SLC9C1: variants seen among roughly 807,000 people sequenced by gnomAD.
The protein encoded by SLC9C1 is solute carrier family 9 member C1, also known as sodium/hydrogen exchanger 10.
A neutral mutation model predicts 140.9 loss-of-function variants in SLC9C1; 97 were observed. That is an observed-to-expected ratio of 0.69 (90% CI 0.58 to 0.82). The LOEUF is 0.82. Among genes scored for constraint, SLC9C1 ranks in the 40% least tolerant of loss-of-function variants. The pLI is 0.00. For synonymous variants in SLC9C1, 440 were observed against 442.6 expected (o/e 0.99, Z 0.07); for missense variants, 1,340 against 1,389.3 (o/e 0.96, Z 0.56).
At position 112,193,413 on chromosome 3, in the gene SLC9C1, C is replaced by T. The variant is rs1048694889; in HGVS notation, c.2523+5908G>A. On this transcript the variant is annotated intron_variant, in intron 20 of 28. Transcript: ENST00000305815. Reference sequence around the variant, plus strand: ...TTAGCTACATTGGGGGCATATCTTTCAGCAGAGGCTTGTGGGGCTGTTTCT... The same window carrying T: ...TTAGCTACATTGGGGGCATATCTTTTAGCAGAGGCTTGTGGGGCTGTTTCT... 6.6e-5 allele frequency among the ~76,000 whole-genome samples: 10 copies of T among 152,178 alleles called. No individual in the cohort carries two copies. The East Asian group carries it at 1.9e-3, about 29-fold the overall frequency.
At chr3:112,181,445 T>TA (rs372182124) in intron 21 of SLC9C1, among the ~76,000 whole-genome samples, 1 of 152,162 alleles carries the variant, frequency 6.6e-6, no homozygotes, top group African/African-American at 2.4e-5. Context: ...AATAGATATT[T>TA]AAAAAAAGAA....
chr3:112,179,540 A>C lies in SLC9C1; in HGVS notation c.2910T>G (p.Thr970=). The C allele has an allele frequency of 6.2e-7, 1 of 1,602,174 alleles. No homozygotes were observed. The highest frequency in any genetic ancestry group is 8.5e-7 in the Non-Finnish European group (1 of 1,176,466). Residue 970 remains threonine, a synonymous_variant, in exon 23 of 29, where the codon ACT becomes ACG. Coordinates refer to ENST00000305815, the MANE Select transcript of SLC9C1 (RefSeq NM_183061.3). ...EPMKYSATCK[T]VVETCFIPKT... ...GCGAAGTTTTTCTGACCTCCACTAC[A>C]GTTTTGCAGGTGGCAGAATATTTCA...
At chr3:112,185,625 C>T in intron 20 of SLC9C1, 1 of 1,581,892 alleles carries the variant, frequency 6.3e-7, no homozygotes. Context: ...AAGGGGCAGG[C>T]TCCTGACCCG....
At chr3:112,162,695 G>A (rs2075342198) in intron 26 of SLC9C1, among the ~76,000 whole-genome samples, 1 of 151,656 alleles carries the variant, frequency 6.6e-6, no homozygotes, top group African/African-American at 2.4e-5. Context: ...GAGGATTTTT[G>A]CATCAATGTT....
At chr3:112,205,703 T>C in intron 16 of SLC9C1, among the ~76,000 whole-genome samples, 1 of 127,218 alleles carries the variant, frequency 7.9e-6, no homozygotes, top group Non-Finnish European at 1.7e-5. Flanking sequence ...ATGCTGCATA[T>C]CTACAACTAT....
intron 13 of SLC9C1, among the ~76,000 whole-genome samples, chr3:112,224,601 A>G (rs1368803803): frequency 1.6e-5 from 1 of 62,952 alleles, no homozygotes; most frequent in East Asian, 7.9e-3. Flanking sequence ...GATAGATATT[A>G]TAAAAAAATA....
rs758017227 is a variant in SLC9C1 at position 112,169,230 on chromosome 3, T to G, written c.3018A>C (p.Thr1006=). Residue 1006 remains threonine (T), a synonymous_variant, in exon 24 of 29, where the codon ACA becomes ACC. Transcript: ENST00000305815. The part of the protein sequence containing the change: ...KMWLKLGLAI[T]ARKIREHLSY... ...ATAAGTGTTCTCTGATTTTTCTGGCTGTAATAGCGAGTCCAAGTTTTAGCC... is the reference window on the plus strand; with the variant it reads ...ATAAGTGTTCTCTGATTTTTCTGGCGGTAATAGCGAGTCCAAGTTTTAGCC... The G allele has an allele frequency of 6.2e-7, 1 of 1,613,524 alleles. No individual in the cohort carries two copies. The highest frequency in any genetic ancestry group is 8.5e-7 in the Non-Finnish European group (1 of 1,179,762).
intron 2 of SLC9C1, among the ~76,000 whole-genome samples, chr3:112,285,926 C>T (rs145823375): frequency 0.014 from 2,130 of 152,178 alleles, 18 homozygotes; most frequent in South Asian, 0.021. Context: ...CTAACATGTG[C>T]AGCCAATTTT....
chr3:112,167,467 A>T lies in SLC9C1; in HGVS notation c.3238-120T>A, dbSNP rs2077161196. ...TCTGGGAAAAATGGAAAATATTAACAAATCAACACAAATAAGATTAATATC... is the reference window on the plus strand; with the variant it reads ...TCTGGGAAAAATGGAAAATATTAACTAATCAACACAAATAAGATTAATATC... On this transcript the variant is annotated intron_variant, in intron 25 of 28. Coordinates refer to ENST00000305815, the MANE Select transcript of SLC9C1 (RefSeq NM_183061.3). The T allele has an allele frequency of 7.5e-6, 7 of 937,224 alleles. No individual in the cohort carries two copies. In the East Asian group the frequency reaches 1.7e-4, roughly 23 times the overall value. 58.1% of individuals were successfully genotyped at this position (937,224 alleles called of 1,614,324 possible).
At chr3:112,227,158 G>C (rs568381593) in intron 13 of SLC9C1, among the ~76,000 whole-genome samples, 3 of 151,962 alleles carry the variant, frequency 2.0e-5, no homozygotes, top group Non-Finnish European at 4.4e-5. Flanking sequence ...GACCAATGAA[G>C]ACTTACAAGA....
intron 28 of SLC9C1, chr3:112,151,286 C>T (rs867063151): frequency 1.6e-5 from 8 of 513,582 alleles, no homozygotes; most frequent in South Asian, 4.3e-5. Context: ...AGTTAACTGT[C>T]GGACTGTCCT....
intron 3 of SLC9C1, 24 bp from the exon 4 acceptor site, chr3:112,278,881 CT>C (rs755494405): frequency 6.4e-7 from 1 of 1,566,206 alleles, no homozygotes. Flanking sequence ...AATATATCAT[CT>C]TCTCATTTAT....
At chr3:112,192,196 T>C (rs1452571982) in intron 20 of SLC9C1, among the ~76,000 whole-genome samples, 1 of 152,102 alleles carries the variant, frequency 6.6e-6, no homozygotes, top group Non-Finnish European at 1.5e-5. Flanking sequence ...ATCACTACCA[T>C]CCATCTCCAG....
chr3:112,271,687 G>C lies in SLC9C1; in HGVS notation c.614-1610C>G, dbSNP rs184320554. Among the ~76,000 whole-genome samples, 366 of 152,180 alleles carry C rather than the reference G, an allele frequency of 2.4e-3. 2 individuals are homozygous for C. Among genetic ancestry groups the C allele is most frequent in the African/African-American group, 8.0e-3 (333 of 41,540 alleles). On this transcript the variant is annotated intron_variant, in intron 6 of 28. Transcript: ENST00000305815. ...ATTTTAGAGATATATGAAGGAACAA[G>C]TAGGAAGTCCCTAAACTCATGGAAG...
At chr3:112,193,945 A>C (rs925311240) in intron 20 of SLC9C1, among the ~76,000 whole-genome samples, 2 of 152,176 alleles carry the variant, frequency 1.3e-5, no homozygotes, top group East Asian at 3.9e-4. Flanking sequence ...TGTGGCATTC[A>C]GTCATTCATG....
chr3:112,236,318 C>T (rs989147116), intron 12 of SLC9C1, among the ~76,000 whole-genome samples: 1 of 151,948 alleles, frequency 6.6e-6, no homozygotes, highest in Non-Finnish European at 1.5e-5. Flanking sequence ...TGGTGACATC[C>T]CCTTTATCAT....
rs540718200 is a variant in SLC9C1 at position 112,230,498 on chromosome 3, C to T, written c.1572+863G>A. Reference sequence around the variant, plus strand: ...GAATAAAGCACCATGTGGGCATTAGCTTCATCCTCATGGCACGGCCTCAAT... The same window carrying T: ...GAATAAAGCACCATGTGGGCATTAGTTTCATCCTCATGGCACGGCCTCAAT... On this transcript the variant is annotated intron_variant, in intron 13 of 28. Transcript: ENST00000305815. Among the ~76,000 whole-genome samples, 200 of 152,284 alleles carry T rather than the reference C, an allele frequency of 1.3e-3. 1 individual carries two copies. Among genetic ancestry groups the T allele is most frequent in the Middle Eastern group, 3.4e-3 (1 of 294 alleles).
At chr3:112,236,095 GTCCTGGA>G (rs2078978302) in intron 12 of SLC9C1, among the ~76,000 whole-genome samples, 1 of 152,094 alleles carries the variant, frequency 6.6e-6, no homozygotes, top group African/African-American at 2.4e-5. Context: ...AATCCATCTG[GTCCTGGA>G]CTTTTTTTGG....
In SLC9C1 at chr3:112,202,379, C is replaced by A; in HGVS notation, c.2193G>T (p.Leu731=). ...GACTCATTCTTTTATCTATTATTTGCAGCAACTTTGGTGCTATGAGCTGAA... is the reference window on the plus strand; with the variant it reads ...GACTCATTCTTTTATCTATTATTTGAAGCAACTTTGGTGCTATGAGCTGAA... ...RIFKLIAPKL[L]QIIDKRMSHQ... The change falls in exon 18 of 29, where the codon CTG becomes CTT. Residue 731 remains leucine (L), a synonymous_variant. Coordinates refer to ENST00000305815, the MANE Select transcript of SLC9C1 (RefSeq NM_183061.3). The A allele has an allele frequency of 6.3e-7, 1 of 1,599,490 alleles. No homozygotes were observed. The highest frequency in any genetic ancestry group is 1.3e-5 in the African/African-American group (1 of 74,634).
Sources: allele counts gnomAD v4.1 joint callset (sites outside exome capture counted in the v4.1 genomes callset), GRCh38; gene constraint gnomAD v4.1.1; transcripts MANE v1.5; gene names NCBI Gene and HGNC (gene_info 2026-07-23, HGNC 2026-07-21).